The following TOP1 variants were observed in gnomAD, a reference collection of about 807,000 sequenced individuals.
TOP1 encodes the protein DNA topoisomerase 1.
TOP1 carries 10 observed loss-of-function variants against 111.1 expected under a neutral mutation model. The ratio of observed to expected loss-of-function variants is 0.09; its 90% CI spans 0.06 to 0.15. TOP1 has a LOEUF of 0.15. TOP1 is among the 10% of genes least tolerant of loss of function. The probability of loss-of-function intolerance (pLI) is 1.00; values close to 1 mark genes in which losing one functional copy is unlikely to be tolerated. For missense variants in TOP1, 474 were observed against 926.7 expected (o/e 0.51, Z 6.34); for synonymous variants, 271 against 302.9 (o/e 0.89, Z 1.10).
At position 41,034,992 on chromosome 20, in the gene TOP1, C is replaced by T. The variant is rs558617222; in HGVS notation, c.58+5537C>T. On this transcript the variant is annotated intron_variant, in intron 2 of 20. Coordinates refer to ENST00000361337, the MANE Select transcript of TOP1 (RefSeq NM_003286.4). The surrounding 1 kb of genome is among the most constrained non-coding windows in gnomAD (Gnocchi z 4.0). ...GCAACCTCTGCCTCCTGGGCTCAAGCGATCCTCCTACCTCACCCTCCCAAG... is the reference window on the plus strand; with the variant it reads ...GCAACCTCTGCCTCCTGGGCTCAAGTGATCCTCCTACCTCACCCTCCCAAG... Among the ~76,000 whole-genome samples, 81 of 152,128 alleles carry T rather than the reference C, an allele frequency of 5.3e-4. 1 individual carries two copies. Among genetic ancestry groups the T allele is most frequent in the Middle Eastern group, 3.4e-3 (1 of 294 alleles).
At chr20:41,051,771 G>A (rs1489578570) in intron 2 of TOP1, among the ~76,000 whole-genome samples, 2 of 151,888 alleles carry the variant, frequency 1.3e-5, no homozygotes, top group Non-Finnish European at 2.9e-5. Flanking sequence ...TTGTTGGCTC[G>A]GTGGGCATTG....
chr20:41,048,666 A>G (rs745361983), intron 2 of TOP1, among the ~76,000 whole-genome samples: 8 of 152,268 alleles, frequency 5.3e-5, no homozygotes, highest in Non-Finnish European at 1.2e-4. Flanking sequence ...TAATAAAACA[A>G]TGAACAGTCT....
chr20:41,064,184 T>G (rs2033579866), intron 3 of TOP1, among the ~76,000 whole-genome samples: 1 of 152,174 alleles, frequency 6.6e-6, no homozygotes, highest in Non-Finnish European at 1.5e-5. Context: ...TCCCCATTGC[T>G]TATTTTGGTT....
intron 3 of TOP1, chr20:41,072,678 C>T (rs2033681856): frequency 1.0e-6 from 1 of 985,408 alleles, no homozygotes; most frequent in African/African-American, 1.7e-5. Context: ...CCAGGTTGGG[C>T]TCCAGGCACT....
chr20:41,084,606 T>A, intron 8 of TOP1, 38 bp downstream of exon 8: 1 of 1,182,946 alleles, frequency 8.5e-7, no homozygotes, highest in Non-Finnish European at 1.2e-6. Flanking sequence ...CCACCTTTTT[T>A]ATTGCATATC....
At chr20:41,055,812 C>T (rs562204255) in intron 2 of TOP1, among the ~76,000 whole-genome samples, 1 of 152,210 alleles carries the variant, frequency 6.6e-6, no homozygotes, top group African/African-American at 2.4e-5. Flanking sequence ...CTTCAGAAAC[C>T]TCTAACTATT....
chr20:41,055,004 G>A lies in TOP1; in HGVS notation c.59-6390G>A, dbSNP rs932507222. On this transcript the variant is annotated intron_variant, in intron 2 of 20. Transcript: ENST00000361337. ...TTAGGTAACAATAGCAAAAGATGTT[G>A]ATTCCTGTTCTATCTGTTTAACTTA... is the stretch of plus-strand genomic sequence containing the variant. Among the ~76,000 whole-genome samples the A allele has an allele frequency of 2.0e-5, 3 of 152,282 alleles. No homozygotes were observed. The South Asian group carries it at 6.2e-4, about 32-fold the overall frequency.
At chr20:41,072,505 A>G in intron 3 of TOP1, 1 of 985,468 alleles carries the variant, frequency 1.0e-6, no homozygotes, top group Non-Finnish European at 1.2e-6. Context: ...TATGCTGGCC[A>G]AATCCTGTTT....
rs1039449177 is a variant in TOP1 at position 41,097,774 on chromosome 20, T to A, written c.852+433T>A. ...TACTATATTTGCCTAGGTGATTTTT[T>A]AAAATCTCATTATTCTCAATTTGGA... On this transcript the variant is annotated intron_variant, in intron 10 of 20. Coordinates refer to ENST00000361337, the MANE Select transcript of TOP1 (RefSeq NM_003286.4). This position sits in a 1 kb window ranked among gnomAD's most constrained non-coding sequence, Gnocchi z 4.2. Among the ~76,000 whole-genome samples the A allele has an allele frequency of 3.3e-5, 5 of 152,232 alleles. No homozygotes were observed. The highest frequency in any genetic ancestry group is 1.3e-4 in the Admixed American group (2 of 15,286).
At chr20:41,051,290 A>G (rs2033402738) in intron 2 of TOP1, among the ~76,000 whole-genome samples, 1 of 152,196 alleles carries the variant, frequency 6.6e-6, no homozygotes, top group Admixed American at 6.5e-5. Flanking sequence ...ATCAAAAGGC[A>G]GTGTAAAGGG....
chr20:41,119,299 A>G (rs948692744), intron 18 of TOP1, among the ~76,000 whole-genome samples: 7 of 152,096 alleles, frequency 4.6e-5, no homozygotes, highest in African/African-American at 1.7e-4. Flanking sequence ...CCCCATATTC[A>G]TAACTGAAGA....
intron 5 of TOP1, 105 bp downstream of exon 5, chr20:41,077,742 C>A: frequency 2.9e-6 from 3 of 1,038,486 alleles, no homozygotes; most frequent in Middle Eastern, 2.3e-4. Flanking sequence ...ACTGACCTGG[C>A]CATCTTGATG....
chr20:41,039,856 G>A (rs1250883936), intron 2 of TOP1, among the ~76,000 whole-genome samples: 4 of 152,060 alleles, frequency 2.6e-5, no homozygotes, highest in African/African-American at 7.2e-5. Context: ...GCAGTGAGCC[G>A]AGATTGCGCC....
chr20:41,070,565 A>G (rs1246165778), intron 3 of TOP1, among the ~76,000 whole-genome samples: 3 of 152,234 alleles, frequency 2.0e-5, no homozygotes, highest in Non-Finnish European at 4.4e-5. Context: ...AATTTAACAA[A>G]TATCATTTAA....
At chr20:41,035,323 A>G (rs547296282) in intron 2 of TOP1, among the ~76,000 whole-genome samples, 1 of 152,064 alleles carries the variant, frequency 6.6e-6, no homozygotes. Flanking sequence ...CCTTCCCATC[A>G]GATTTGGGGT....
chr20:41,085,638 G>A (rs950700785), intron 8 of TOP1, among the ~76,000 whole-genome samples: 3 of 152,202 alleles, frequency 2.0e-5, no homozygotes, highest in Non-Finnish European at 4.4e-5. Context: ...ACCTTTACCT[G>A]TCTTCTCCCA....
Position 41,100,190 on chromosome 20 carries a change from G to A in TOP1, c.1110G>A (p.Met370Ile). 6.2e-7 allele frequency: 1 copy of A among 1,613,958 alleles called. No individual in the cohort carries two copies. The highest frequency in any genetic ancestry group is 8.5e-7 in the Non-Finnish European group (1 of 1,179,894). The change falls in exon 12 of 21, where the codon ATG becomes ATA. Residue 370 changes from methionine to isoleucine, a missense_variant. Met to Ile is a conservative substitution (Grantham distance 10). Coordinates refer to ENST00000361337, the MANE Select transcript of TOP1 (RefSeq NM_003286.4). This position sits in a 1 kb window ranked among gnomAD's most constrained non-coding sequence, Gnocchi z 4.4. ...LFRGRGNHPKMGMLKRRIMPE... is the reference protein window; with the variant it reads ...LFRGRGNHPKIGMLKRRIMPE... ...GTGGCCGCGGCAACCACCCCAAGAT[G>A]GGCATGCTGAAGAGACGAATCATGC...
intron 13 of TOP1, among the ~76,000 whole-genome samples, chr20:41,107,046 C>T (rs1470104696): frequency 2.6e-5 from 4 of 152,030 alleles, no homozygotes; most frequent in Non-Finnish European, 5.9e-5. Context: ...TGAAATACAC[C>T]CTTTAATGTT....
chr20:41,059,764 G>C (rs2033522337), intron 2 of TOP1, among the ~76,000 whole-genome samples: 1 of 152,104 alleles, frequency 6.6e-6, no homozygotes, highest in African/African-American at 2.4e-5. Context: ...ACAAGAAAAT[G>C]ATGGGGAGAA....
Sources: allele counts gnomAD v4.1 joint callset (sites outside exome capture counted in the v4.1 genomes callset), GRCh38; gene constraint gnomAD v4.1.1; non-coding constraint Gnocchi (gnomAD v3.1); transcripts MANE v1.5; gene names NCBI Gene and HGNC (gene_info 2026-07-23, HGNC 2026-07-21).